The following ERI1 variants were observed in gnomAD, a reference collection of about 807,000 sequenced individuals.
ERI1 encodes exoribonuclease 1, also known as 3'-5' exoribonuclease 1.
ERI1 carries 39 observed loss-of-function variants against 39.7 expected under a neutral mutation model. The ratio of observed to expected loss-of-function variants is 0.98; its 90% CI spans 0.76 to 1.28. The LOEUF (loss-of-function observed/expected upper bound fraction) is 1.28. Among genes scored for constraint, ERI1 ranks in the 50% most tolerant of loss-of-function variants. The pLI is 0.00. For missense variants in ERI1, 581 were observed against 416.9 expected, an observed-to-expected ratio of 1.39 and a Z score of -3.43; for synonymous variants, 204 against 149.6, an observed-to-expected ratio of 1.36 and a Z score of -2.65.
intron 1 of ERI1, among the ~76,000 whole-genome samples, chr8:9,005,007 A>G (rs1337308386): frequency 6.6e-6 from 1 of 152,230 alleles, no homozygotes; most frequent in South Asian, 2.1e-4. Flanking sequence ...GTGTTTTTCA[A>G]TCTGGGCCAA....
intron 6 of ERI1, among the ~76,000 whole-genome samples, chr8:9,022,957 A>G (rs577469284): frequency 3.9e-5 from 6 of 152,258 alleles, no homozygotes; most frequent in Non-Finnish European, 7.4e-5. Context: ...GCTAAGGGTC[A>G]TTTTCTTAGA....
chr8:9,061,259 G>A (rs1372471454), intron 3 of ERI1, among the ~76,000 whole-genome samples: 3 of 152,154 alleles, frequency 2.0e-5, no homozygotes, highest in African/African-American at 7.2e-5. Flanking sequence ...TGAATGTCAG[G>A]TGGATCAGCC....
At chr8:9,088,279 AAAATT>A (rs1292185440) in intron 3 of ERI1, among the ~76,000 whole-genome samples, 5 of 152,226 alleles carry the variant, frequency 3.3e-5, no homozygotes, top group Admixed American at 3.3e-4. Context: ...AAAAAAAAAA[AAAATT>A]AAAGTGTTTT....
At chr8:9,009,469 A>G (rs1344568649) in intron 2 of ERI1, among the ~76,000 whole-genome samples, 2 of 152,218 alleles carry the variant, frequency 1.3e-5, no homozygotes, top group Admixed American at 1.3e-4. Context: ...TTTCTGCAAC[A>G]TGATCTTGCC....
chr8:9,022,792 A>G (rs1818055640), intron 6 of ERI1, among the ~76,000 whole-genome samples: 1 of 152,210 alleles, frequency 6.6e-6, no homozygotes, highest in African/African-American at 2.4e-5. Context: ...AGAAATAGGT[A>G]TGAGTCCTCA....
At chr8:9,065,537 T>A (rs1798844663) in intron 3 of ERI1, among the ~76,000 whole-genome samples, 1 of 151,426 alleles carries the variant, frequency 6.6e-6, no homozygotes, top group Admixed American at 6.6e-5. Flanking sequence ...CTACTAAAAA[T>A]ACAAAAAATT....
intron 3 of ERI1, among the ~76,000 whole-genome samples, chr8:9,068,407 G>T: frequency 6.6e-6 from 1 of 152,152 alleles, no homozygotes. Context: ...CAGCATCATA[G>T]CTCGCTGCAG....
intron 3 of ERI1, among the ~76,000 whole-genome samples, chr8:9,096,048 C>CT (rs921571117): frequency 6.6e-6 from 1 of 152,176 alleles, no homozygotes; most frequent in Non-Finnish European, 1.5e-5. Flanking sequence ...CTTGATAAGC[C>CT]TGAAGCACTG....
downstream of ERI1, among the ~76,000 whole-genome samples, chr8:9,034,513 G>A (rs1797778042): frequency 6.6e-6 from 1 of 152,054 alleles, no homozygotes; most frequent in Non-Finnish European, 1.5e-5. Flanking sequence ...CTCTCTTAGG[G>A]TGATTTGTAA....
intron 3 of ERI1, among the ~76,000 whole-genome samples, chr8:9,048,199 G>C (rs758496475): frequency 6.6e-6 from 1 of 152,232 alleles, no homozygotes; most frequent in Non-Finnish European, 1.5e-5. Context: ...GCTGCGACCA[G>C]CGCAGACGCT....
At chr8:9,040,577 T>TA (rs1797985115) in intron 3 of ERI1, among the ~76,000 whole-genome samples, 1 of 152,186 alleles carries the variant, frequency 6.6e-6, no homozygotes, top group Non-Finnish European at 1.5e-5. Flanking sequence ...GGTCATCCTG[T>TA]AAAATTACCC....
rs1202642956 is a variant in ERI1, at chr8:9,020,393, A to G, written c.736A>G (p.Ser246Gly). 1 of 1,607,286 alleles carries G rather than the reference A, an allele frequency of 6.2e-7. No homozygotes were observed. Among genetic ancestry groups the G allele is most frequent in the Non-Finnish European group, 8.5e-7 (1 of 1,177,582 alleles). The part of the protein sequence containing the change: ...SKFLNIQCQL[S>G]RLKYPPFAKK... ...GTTCTTGAACATTCAGTGTCAACTC[A>G]GCAGGCTCAAATACCCTCCTTTTGC... Residue 246 changes from serine to glycine, a missense_variant, in exon 6 of 7, where the codon AGC becomes GGC. By Grantham distance (56) the Ser-to-Gly change is moderately conservative (BLOSUM62 0). Transcript: ENST00000250263.
At chr8:9,006,721 G>T (rs528807731) in intron 1 of ERI1, among the ~76,000 whole-genome samples, 2 of 152,080 alleles carry the variant, frequency 1.3e-5, no homozygotes, top group Admixed American at 6.5e-5. Flanking sequence ...CAGTGTGGCT[G>T]TTCTTTAATT....
Position 9,007,960 on chromosome 8 carries a change from T to TGG in ERI1, c.109-10_109-9insGG. The TGG allele has an allele frequency of 4.7e-6, 7 of 1,495,146 alleles. No individual in the cohort carries two copies. Among genetic ancestry groups the TGG allele is most frequent in the Non-Finnish European group, 5.3e-6 (6 of 1,127,690 alleles). 92.6% of individuals were successfully genotyped at this position (1,495,146 alleles called of 1,614,324 possible). A position where few individuals can be genotyped will look rare whatever the true frequency, so the allele number is the denominator to read the frequency against. The stretch of plus-strand genomic sequence containing the variant: ...CTTTTTTTTTTTTTTTTTTTTTTTT[T>TGG]TTTTGGTAGGAAACTCAACAGTGTA... On this transcript the variant is annotated splice_polypyrimidine_tract_variant and intron_variant, in intron 1 of 6. Transcript: ENST00000250263.
chr8:9,040,354 C>T (rs551330902), intron 3 of ERI1, among the ~76,000 whole-genome samples: 25 of 152,306 alleles, frequency 1.6e-4, no homozygotes, highest in African/African-American at 5.3e-4. Context: ...AGCCCTAAGG[C>T]CTTAAGCTGA....
At chr8:9,008,201 A>C in intron 2 of ERI1, 53 bp downstream of exon 2, 4 of 1,357,444 alleles carry the variant, frequency 2.9e-6, no homozygotes, top group Non-Finnish European at 4.0e-6. Context: ...TCATTTTAGA[A>C]AATCTTGAAA....
At chr8:9,068,705 C>T (rs796904953) in intron 3 of ERI1, among the ~76,000 whole-genome samples, 1 of 151,776 alleles carries the variant, frequency 6.6e-6, no homozygotes, top group South Asian at 2.1e-4. Flanking sequence ...TATTGTCTTA[C>T]TCTCTCTTCA....
chr8:9,076,824 C>G (rs368468077), intron 3 of ERI1, among the ~76,000 whole-genome samples: 2 of 152,342 alleles, frequency 1.3e-5, no homozygotes, highest in East Asian at 3.9e-4. Flanking sequence ...TCCTGCAGTG[C>G]TGCAGAAGGC....
At chr8:9,053,887 T>C (rs1289800921) in intron 3 of ERI1, among the ~76,000 whole-genome samples, 3 of 152,236 alleles carry the variant, frequency 2.0e-5, no homozygotes, top group Non-Finnish European at 4.4e-5. Context: ...GTTCAAATCA[T>C]TGATAACAGA....
Sources: allele counts gnomAD v4.1 joint callset (sites outside exome capture counted in the v4.1 genomes callset), GRCh38; gene constraint gnomAD v4.1.1; transcripts MANE v1.5; gene names NCBI Gene and HGNC (gene_info 2026-07-23, HGNC 2026-07-21).